The following CTNNA2 variants were observed in gnomAD, a reference collection of about 807,000 sequenced individuals.
The protein encoded by CTNNA2 is catenin alpha 2.
CTNNA2 carries 42 observed loss-of-function variants against 101.0 expected under a neutral mutation model. The ratio of observed to expected loss-of-function variants is 0.42; its 90% CI spans 0.32 to 0.54. The LOEUF (loss-of-function observed/expected upper bound fraction) is 0.54, where lower values mean the gene tolerates loss of function less well. CTNNA2 is among the 20% of genes least tolerant of loss of function. CTNNA2 has a pLI of 0.14. For missense variants in CTNNA2, 871 were observed against 1,223.1 expected (o/e 0.71, Z 4.29); for synonymous variants, 450 against 456.4 (o/e 0.99, Z 0.18).
intron 7 of CTNNA2, among the ~76,000 whole-genome samples, chr2:80,114,017 A>T (rs538434569): frequency 3.3e-5 from 5 of 152,340 alleles, no homozygotes; most frequent in African/African-American, 1.2e-4. Context: ...CCATTTTATT[A>T]TCTGCATCAT....
intron 2 of CTNNA2, among the ~76,000 whole-genome samples, chr2:79,238,302 C>T (rs772165960): frequency 1.3e-5 from 2 of 152,152 alleles, no homozygotes; most frequent in African/African-American, 2.4e-5. Context: ...TTAAGTTCAC[C>T]ATCTTACATG....
intron 2 of CTNNA2, among the ~76,000 whole-genome samples, chr2:79,737,586 A>G (rs1222667121): frequency 1.3e-5 from 2 of 152,154 alleles, no homozygotes; most frequent in East Asian, 1.9e-4. Context: ...TTGGAAAATA[A>G]TTGTGCCAAA....
At chr2:79,998,230 G>A (rs988991644) in intron 7 of CTNNA2, among the ~76,000 whole-genome samples, 6 of 152,126 alleles carry the variant, frequency 3.9e-5, no homozygotes, top group Non-Finnish European at 5.9e-5. Context: ...GATTCATTTC[G>A]TTGAAACTAT....
intron 3 of CTNNA2, among the ~76,000 whole-genome samples, chr2:79,747,006 A>G (rs1337349155): frequency 1.3e-5 from 2 of 152,102 alleles, no homozygotes; most frequent in Non-Finnish European, 2.9e-5. Flanking sequence ...CAAACCTACC[A>G]CTGTATCAAT....
intron 1 of CTNNA2, among the ~76,000 whole-genome samples, chr2:79,192,998 T>C (rs1024677613): frequency 6.6e-6 from 1 of 152,296 alleles, no homozygotes; most frequent in South Asian, 2.1e-4. Flanking sequence ...TCCTCTTGAA[T>C]TTAGCATTTA....
chr2:79,977,376 A>G (rs770208903), intron 7 of CTNNA2, among the ~76,000 whole-genome samples: 10 of 152,102 alleles, frequency 6.6e-5, no homozygotes, highest in Non-Finnish European at 1.5e-4. Flanking sequence ...AACTGGGGCA[A>G]TGGTGCTACT....
rs577239529 is a variant in CTNNA2 at position 80,326,864 on chromosome 2, T to C, written c.1057-66347T>C. Reference sequence around the variant, plus strand: ...CATACACTGTGATTTTTGGTCTCTCTGCTGTCTCTTCTCTTCCATCCCTCC... The same window carrying C: ...CATACACTGTGATTTTTGGTCTCTCCGCTGTCTCTTCTCTTCCATCCCTCC... On this transcript the variant is annotated intron_variant, in intron 7 of 18. Transcript: ENST00000402739. Among the ~76,000 whole-genome samples the C allele has an allele frequency of 2.0e-5, 3 of 152,338 alleles. No homozygotes were observed. The East Asian group carries it at 5.8e-4, about 29-fold the overall frequency.
intron 3 of CTNNA2, among the ~76,000 whole-genome samples, chr2:79,334,453 T>C (rs1479526358): frequency 6.6e-6 from 1 of 152,118 alleles, no homozygotes; most frequent in Non-Finnish European, 1.5e-5. Flanking sequence ...TGAATTACTA[T>C]CAAGATACTT....
At chr2:79,421,460 T>C (rs1013072186) in intron 4 of CTNNA2, among the ~76,000 whole-genome samples, 1 of 152,162 alleles carries the variant, frequency 6.6e-6, no homozygotes, top group African/African-American at 2.4e-5. Flanking sequence ...TTACTGGACC[T>C]CCAGGTGTAA....
chr2:79,767,702 G>A (rs1236404014), intron 3 of CTNNA2, among the ~76,000 whole-genome samples: 1 of 151,862 alleles, frequency 6.6e-6, no homozygotes, highest in East Asian at 2.0e-4. Flanking sequence ...GTTTCCTTAT[G>A]GCCTAGTGTG....
chr2:80,149,503 TAC>T (rs1417446372), intron 7 of CTNNA2, among the ~76,000 whole-genome samples: 2 of 152,140 alleles, frequency 1.3e-5, no homozygotes, highest in African/African-American at 2.4e-5. Flanking sequence ...TACAGCCAAT[TAC>T]AGTTTCTTCT....
chr2:79,500,613 T>A (rs570015915), intron 4 of CTNNA2: 5 of 152,168 alleles, frequency 3.3e-5, no homozygotes, highest in Non-Finnish European at 7.3e-5. Context: ...AGAATAGGGG[T>A]ATACAAAATG....
chr2:79,792,404 C>T (rs1675348347), intron 3 of CTNNA2, among the ~76,000 whole-genome samples: 1 of 152,176 alleles, frequency 6.6e-6, no homozygotes, highest in South Asian at 2.1e-4. Context: ...ACTGTGTGTA[C>T]AAGCATCCAC....
intron 7 of CTNNA2, among the ~76,000 whole-genome samples, chr2:80,033,863 C>T (rs1695466118): frequency 1.3e-5 from 2 of 149,554 alleles, no homozygotes; most frequent in Admixed American, 1.3e-4. Flanking sequence ...AAATATAGAT[C>T]ATTCAGTAAA....
At chr2:80,467,168 T>C (rs1411758094) in intron 9 of CTNNA2, among the ~76,000 whole-genome samples, 2 of 152,194 alleles carry the variant, frequency 1.3e-5, no homozygotes, top group Non-Finnish European at 2.9e-5. Context: ...GTGGTAGAGC[T>C]ATGATTCAGA....
At chr2:79,742,600 C>T (rs1671366632) in intron 2 of CTNNA2, among the ~76,000 whole-genome samples, 1 of 152,136 alleles carries the variant, frequency 6.6e-6, no homozygotes, top group African/African-American at 2.4e-5. Flanking sequence ...AAGGAGAATG[C>T]TTCTGCACCT....
chr2:80,536,948 G>A (rs1331075642), intron 9 of CTNNA2, among the ~76,000 whole-genome samples: 1 of 152,228 alleles, frequency 6.6e-6, no homozygotes, highest in Non-Finnish European at 1.5e-5. Flanking sequence ...GGATACGTGT[G>A]CAGAATGTGC....
At chr2:79,328,294 G>A (rs1676793029) in intron 3 of CTNNA2, among the ~76,000 whole-genome samples, 1 of 152,178 alleles carries the variant, frequency 6.6e-6, no homozygotes, top group Non-Finnish European at 1.5e-5. Flanking sequence ...GAGCAAAAGA[G>A]AGAGAGCATC....
At chr2:80,485,558 G>C (rs545663893) in intron 9 of CTNNA2, among the ~76,000 whole-genome samples, 16 of 152,260 alleles carry the variant, frequency 1.1e-4, no homozygotes, top group African/African-American at 2.9e-4. Flanking sequence ...CATTTTTTCA[G>C]ATTTCAAATG....
Sources: allele counts gnomAD v4.1 joint callset (sites outside exome capture counted in the v4.1 genomes callset), GRCh38; gene constraint gnomAD v4.1.1; transcripts MANE v1.5; gene names NCBI Gene and HGNC (gene_info 2026-07-23, HGNC 2026-07-21).